Variants in CCDC138 observed in about 807,000 individuals in gnomAD.
The protein encoded by CCDC138 is coiled-coil domain-containing protein 138.
CCDC138 carries 66 observed loss-of-function variants against 82.3 expected under a neutral mutation model. The observed-to-expected ratio is 0.80, with a 90% confidence interval of 0.66 to 0.98. CCDC138 has a LOEUF of 0.98. Ranked by LOEUF, CCDC138 falls within the 50% of genes least tolerant of loss-of-function variation. The pLI, the probability that CCDC138 is intolerant of heterozygous loss-of-function variation, is 0.00. For synonymous variants in CCDC138, 297 were observed against 265.4 expected (o/e 1.12, Z -1.16); for missense variants, 816 against 758.9 (o/e 1.08, Z -0.88).
At chr2:108,832,374 T>G (rs1687852009) in intron 10 of CCDC138, among the ~76,000 whole-genome samples, 1 of 140,048 alleles carries the variant, frequency 7.1e-6, no homozygotes, top group African/African-American at 2.7e-5. Context: ...TGAGACAGAG[T>G]TTCACTCTTG....
intron 9 of CCDC138, among the ~76,000 whole-genome samples, chr2:108,813,514 G>A (rs576011460): frequency 5.9e-5 from 9 of 152,226 alleles, no homozygotes; most frequent in African/African-American, 4.8e-5. Flanking sequence ...TTATTGCTTA[G>A]TATGTTTTGA....
downstream of CCDC138, among the ~76,000 whole-genome samples, chr2:108,879,061 AATGG>A (rs1696209064): frequency 6.6e-6 from 1 of 152,238 alleles, no homozygotes; most frequent in Non-Finnish European, 1.5e-5. Context: ...ATCTGAATGA[AATGG>A]ACTGTTCTCT....
rs986682888 is a variant in CCDC138 at position 108,794,562 on chromosome 2, C to G, written c.417C>G (p.Thr139=). The stretch of plus-strand genomic sequence containing the variant: ...CAGTTGCCTTGCCAACTAATACGAC[C>G]TCATCGAGACCTCGGACTGAGTGTT... The part of the protein sequence containing the change: ...IEKVALPTNT[T]SSRPRTECCS... Residue 139 remains threonine, a synonymous_variant, in exon 5 of 15, where the codon ACC becomes ACG. Coordinates refer to ENST00000295124, the MANE Select transcript of CCDC138 (RefSeq NM_144978.3). 1.2e-6 allele frequency: 2 copies of G among 1,610,680 alleles called. No homozygotes were observed. The highest frequency in any genetic ancestry group is 1.7e-6 in the Non-Finnish European group (2 of 1,178,656).
chr2:108,820,699 C>CAAA (rs764017401), intron 10 of CCDC138, among the ~76,000 whole-genome samples: 36 of 62,530 alleles, frequency 5.8e-4, no homozygotes, highest in East Asian at 2.1e-3. Context: ...ATTCAAAGTG[C>CAAA]AAAAAAAAAA....
Position 108,804,860 on chromosome 2 carries a change from AG to A in CCDC138, c.736-28del, listed in dbSNP as rs1422041941. ...GTGATATACAGTCCTTACAAGTTTTAGATGAGAGTTTTTTTTTTCTCCTCCT... is the reference window on the plus strand; with the variant it reads ...GTGATATACAGTCCTTACAAGTTTTAATGAGAGTTTTTTTTTTCTCCTCCT... On this transcript the variant is annotated intron_variant, in intron 6 of 14. Coordinates refer to ENST00000295124, the MANE Select transcript of CCDC138 (RefSeq NM_144978.3). 9 of 1,479,902 alleles carry A rather than the reference AG, an allele frequency of 6.1e-6. No homozygotes were observed. The Admixed American group carries it at 1.9e-4, about 31-fold the overall frequency. 91.7% of individuals were successfully genotyped at this position (1,479,902 alleles called of 1,614,324 possible). A position where few individuals can be genotyped will look rare whatever the true frequency, so the allele number is the denominator to read the frequency against.
downstream of CCDC138, among the ~76,000 whole-genome samples, chr2:108,878,929 AAG>A (rs575126588): frequency 8.5e-5 from 13 of 152,336 alleles, no homozygotes; most frequent in Admixed American, 3.3e-4. Context: ...AACACTGAAA[AAG>A]AAATGAAATA....
chr2:108,870,319 A>C (rs1695034227), intron 13 of CCDC138, among the ~76,000 whole-genome samples: 1 of 152,220 alleles, frequency 6.6e-6, no homozygotes, highest in Admixed American at 6.5e-5. Flanking sequence ...TCCGAGGAAC[A>C]AAATCAAAGA....
At chr2:108,865,295 G>T (rs183186313) in intron 13 of CCDC138, among the ~76,000 whole-genome samples, 1 of 152,250 alleles carries the variant, frequency 6.6e-6, no homozygotes, top group Admixed American at 6.5e-5. Context: ...CAGTGCTTCT[G>T]TGAATAACCG....
chr2:108,814,279 G>T (rs1337746812), intron 9 of CCDC138, among the ~76,000 whole-genome samples: 3 of 152,120 alleles, frequency 2.0e-5, no homozygotes, highest in Admixed American at 6.5e-5. Flanking sequence ...AACATTTGGT[G>T]TTTTCAGTTT....
chr2:108,841,474 C>A (rs1326548515), intron 11 of CCDC138, among the ~76,000 whole-genome samples: 2 of 151,690 alleles, frequency 1.3e-5, no homozygotes, highest in African/African-American at 4.8e-5. Flanking sequence ...GGTGGATTTG[C>A]CCTTTTTATC....
chr2:108,834,127 C>T (rs1200315197), intron 10 of CCDC138, among the ~76,000 whole-genome samples: 1 of 151,556 alleles, frequency 6.6e-6, no homozygotes, highest in Non-Finnish European at 1.5e-5. Flanking sequence ...ATTGGGGTTC[C>T]AAGTGTTTCC....
intron 12 of CCDC138, among the ~76,000 whole-genome samples, chr2:108,853,976 A>AATATATAATATATAATAAATTTATATT (rs1473315300): frequency 6.7e-4 from 61 of 90,792 alleles, no homozygotes; most frequent in East Asian, 2.7e-3. Context: ...AAATATATAT[A>AATATATAATATATAATAAATTTATATT]ATATATAATA....
intron 13 of CCDC138, among the ~76,000 whole-genome samples, chr2:108,865,482 G>A (rs1694277087): frequency 6.6e-6 from 1 of 152,116 alleles, no homozygotes; most frequent in Non-Finnish European, 1.5e-5. Context: ...CTCTGTTGAT[G>A]TTTTTGTGCC....
chr2:108,795,362 G>A (rs1430225243), intron 5 of CCDC138, among the ~76,000 whole-genome samples: 2 of 152,048 alleles, frequency 1.3e-5, no homozygotes, highest in East Asian at 3.9e-4. Flanking sequence ...CACCATGTTG[G>A]CTAGGCTGGT....
At chr2:108,845,747 A>G (rs1690341068) in intron 11 of CCDC138, among the ~76,000 whole-genome samples, 2 of 151,618 alleles carry the variant, frequency 1.3e-5, no homozygotes, top group Admixed American at 1.3e-4. Context: ...ATTTTTTTGT[A>G]TTTTTAGTAG....
chr2:108,803,719 A>G (rs1449933851), intron 6 of CCDC138, among the ~76,000 whole-genome samples: 3 of 152,146 alleles, frequency 2.0e-5, no homozygotes, highest in Non-Finnish European at 4.4e-5. Context: ...TGCTTCTACA[A>G]GTTTTCTCTC....
At chr2:108,879,614 A>G (rs938253281), downstream of CCDC138, among the ~76,000 whole-genome samples, 1 of 152,206 alleles carries the variant, frequency 6.6e-6, no homozygotes, top group Non-Finnish European at 1.5e-5. Context: ...TATTTTGGCC[A>G]GGCTAAGTTT....
intron 13 of CCDC138, 137 bp downstream of exon 13, chr2:108,857,107 T>C: frequency 2.3e-6 from 1 of 438,642 alleles, no homozygotes; most frequent in Non-Finnish European, 3.7e-6. Context: ...TGAGATGGAG[T>C]CTCGCTTTGT....
In CCDC138 at chr2:108,794,471, G is replaced by A. The variant is rs138501231; in HGVS notation, c.395-69G>A. 3.8e-4 allele frequency: 524 copies of A among 1,381,140 alleles called. 4 individuals carry two copies. The African/African-American group carries it at 6.8e-3, about 18-fold the overall frequency. The allele number at this position is 1,381,140 out of a possible 1,614,324, so 85.6% of individuals were successfully genotyped here. A position where few individuals can be genotyped will look rare whatever the true frequency, so the allele number is the denominator to read the frequency against. On this transcript the variant is annotated intron_variant, in intron 4 of 14. Transcript: ENST00000295124. ...TGTACTTAAAGCATCTCTTCCTAAA[G>A]GTTACTCTGAGAATATTTGAAACAA... is the stretch of plus-strand genomic sequence containing the variant.
Sources: allele counts gnomAD v4.1 joint callset (sites outside exome capture counted in the v4.1 genomes callset), GRCh38; gene constraint gnomAD v4.1.1; transcripts MANE v1.5; gene names NCBI Gene and HGNC (gene_info 2026-07-23, HGNC 2026-07-21).